The following SMC6 variants were observed in gnomAD, a reference collection of about 807,000 sequenced individuals.
The protein encoded by SMC6 is structural maintenance of chromosomes 6, also known as structural maintenance of chromosomes protein 6.
Under a neutral mutation model 142.2 loss-of-function variants are expected in SMC6, and 79 were observed. The ratio of observed to expected loss-of-function variants is 0.56; its 90% CI spans 0.46 to 0.67. The LOEUF is 0.67. Among genes scored for constraint, SMC6 ranks in the 30% least tolerant of loss-of-function variants. The pLI, the probability that SMC6 is intolerant of heterozygous loss-of-function variation, is 0.00. For synonymous variants in SMC6, 411 were observed against 412.4 expected (o/e 1.00, Z 0.04); for missense variants, 1,072 against 1,284.0 (o/e 0.83, Z 2.52).
intron 2 of SMC6, among the ~76,000 whole-genome samples, chr2:17,751,395 G>A (rs766311369): frequency 6.7e-6 from 1 of 150,356 alleles, no homozygotes; most frequent in Non-Finnish European, 1.5e-5. Flanking sequence ...CAGGAGAATC[G>A]CTTGAACCCG....
At chr2:17,748,301 T>C in intron 2 of SMC6, among the ~76,000 whole-genome samples, 1 of 152,314 alleles carries the variant, frequency 6.6e-6, no homozygotes, top group East Asian at 1.9e-4. Flanking sequence ...GTGATTCACA[T>C]GCACATTAGA....
At chr2:17,722,641 G>T (rs1246153626) in intron 9 of SMC6, among the ~76,000 whole-genome samples, 1 of 152,116 alleles carries the variant, frequency 6.6e-6, no homozygotes, top group East Asian at 1.9e-4. Flanking sequence ...CATCTATGAA[G>T]ATTATGTCAT....
rs1319197828 is a variant in SMC6 at position 17,716,871 on chromosome 2, T to C, written c.1216A>G (p.Arg406Gly). ...DQSLEPERLERQKKISWLKER... is the reference protein window; with the variant it reads ...DQSLEPERLEGQKKISWLKER... Reference sequence around the variant, plus strand: ...TTTAACCAAGATATTTTTTTTTGTCTTTCCAACCGTTCAGGTTCCAAAGAT... The same window carrying C: ...TTTAACCAAGATATTTTTTTTTGTCCTTCCAACCGTTCAGGTTCCAAAGAT... Residue 406 changes from arginine (R) to glycine (G), a missense_variant, in exon 14 of 28, where the codon AGA (arginine) becomes GGA (glycine). By Grantham distance (125) the Arg-to-Gly change is moderately radical. This residue lies in a region of SMC6 where 994 missense variants were observed against 1,153.2 expected (regional missense o/e 0.86). Transcript: ENST00000448223. 6.2e-7 allele frequency: 1 copy of C among 1,611,298 alleles called. No individual in the cohort carries two copies. The highest frequency in any genetic ancestry group is 8.5e-7 in the Non-Finnish European group (1 of 1,179,316).
chr2:17,726,496 A>C, intron 7 of SMC6, 27 bp from the exon 8 acceptor site: 4 of 1,577,040 alleles, frequency 2.5e-6, no homozygotes, highest in Non-Finnish European at 3.5e-6. Flanking sequence ...GTCATTTTTG[A>C]ATATTTTACT....
intron 15 of SMC6, among the ~76,000 whole-genome samples, chr2:17,715,782 T>C (rs1490207424): frequency 6.6e-6 from 1 of 152,136 alleles, no homozygotes; most frequent in Non-Finnish European, 1.5e-5. Flanking sequence ...TTCAACTATA[T>C]CTTGATGTTA....
intron 20 of SMC6, among the ~76,000 whole-genome samples, chr2:17,701,203 T>G (rs928391498): frequency 3.3e-5 from 5 of 151,978 alleles, no homozygotes; most frequent in Non-Finnish European, 5.9e-5. Context: ...CTTATTCCAT[T>G]TTGCGCACTG....
chr2:17,667,354 T>C (rs1666546561), intron 26 of SMC6, among the ~76,000 whole-genome samples: 2 of 152,230 alleles, frequency 1.3e-5, no homozygotes, highest in South Asian at 4.1e-4. Context: ...TTTAAATAAG[T>C]TAAATAGCAC....
Position 17,733,426 on chromosome 2 carries a change from A to C in SMC6, c.345-1549T>G, listed in dbSNP as rs1235614258. 2.0e-5 allele frequency among the ~76,000 whole-genome samples: 3 copies of C among 152,220 alleles called. No homozygotes were observed. In the East Asian group the frequency reaches 5.8e-4, roughly 29 times the overall value. On this transcript the variant is annotated intron_variant, in intron 5 of 27. Coordinates refer to ENST00000448223, the MANE Select transcript of SMC6 (RefSeq NM_001142286.2). ...AAATCAAACTAAGAAAATGTGGTTAAAAAAATTTCAGAATTCTGTAGTTTA... is the reference window on the plus strand; with the variant it reads ...AAATCAAACTAAGAAAATGTGGTTACAAAAATTTCAGAATTCTGTAGTTTA...
chr2:17,688,866 T>G (rs1667576542), intron 23 of SMC6, among the ~76,000 whole-genome samples: 1 of 152,150 alleles, frequency 6.6e-6, no homozygotes, highest in Non-Finnish European at 1.5e-5. Context: ...TAACATAGGC[T>G]CTTCCTTACA....
Position 17,703,226 on chromosome 2 carries a change from G to A in SMC6, c.2073C>T (p.Ala691=). Residue 691 remains alanine, a synonymous_variant, in exon 19 of 28, where the codon GCC becomes GCT. Coordinates refer to ENST00000448223, the MANE Select transcript of SMC6 (RefSeq NM_001142286.2). ...QILNLQQHLS[A]LEKDIKHNEE... ...CATTGTGTTTAATATCTTTTTCAAG[G>A]GCAGATAAATGTTGCTGAAGATTTA... The A allele has an allele frequency of 6.3e-7, 1 of 1,599,752 alleles. No individual in the cohort carries two copies. Among genetic ancestry groups the A allele is most frequent in the Non-Finnish European group, 8.5e-7 (1 of 1,169,968 alleles).
intron 5 of SMC6, among the ~76,000 whole-genome samples, chr2:17,733,472 A>T (rs1004338573): frequency 2.0e-5 from 3 of 152,256 alleles, no homozygotes; most frequent in African/African-American, 7.2e-5. Flanking sequence ...TACCAATGGT[A>T]ATTGTATAGC....
At position 17,753,635 on chromosome 2, in the gene SMC6, G is replaced by A. The variant is rs1317474552; in HGVS notation, c.-102C>T. The A allele has an allele frequency of 1.3e-5, 2 of 152,284 alleles. No individual in the cohort carries two copies. The highest frequency in any genetic ancestry group is 2.4e-5 in the African/African-American group (1 of 41,478). 9.4% of individuals were successfully genotyped at this position (152,284 alleles called of 1,614,324 possible). On this transcript the variant is annotated 5_prime_UTR_variant, in exon 1 of 28. Transcript: ENST00000448223. Reference sequence around the variant, plus strand: ...CGCGCCTTCACCCTACCGCCAACAAGTCGAAGTCTCCCAAAGGAACCTGAT... The same window carrying A: ...CGCGCCTTCACCCTACCGCCAACAAATCGAAGTCTCCCAAAGGAACCTGAT...
At chr2:17,671,167 C>A (rs1384107562) in intron 25 of SMC6, among the ~76,000 whole-genome samples, 1 of 151,946 alleles carries the variant, frequency 6.6e-6, no homozygotes, top group African/African-American at 2.4e-5. Flanking sequence ...AGCCACCACA[C>A]CTAACCCTGA....
At chr2:17,739,823 CACACACACACACACACACACAG>C (rs1383793091) in intron 4 of SMC6, among the ~76,000 whole-genome samples, 52 of 108,626 alleles carry the variant, frequency 4.8e-4, no homozygotes, top group Non-Finnish European at 7.2e-4. Flanking sequence ...TCTCTTTAAA[CACACACACACACACACACACAG>C]ACACACACAC....
rs770774262 is a variant in SMC6, at chr2:17,695,281, G to A, written c.2549C>T (p.Ala850Val). 48 of 1,611,690 alleles carry A rather than the reference G, an allele frequency of 3.0e-5. No homozygotes were observed. The highest frequency in any genetic ancestry group is 4.1e-5 in the Non-Finnish European group (48 of 1,179,464). Residue 850 changes from alanine (A) to valine (V), a missense_variant, in exon 23 of 28, where the codon GCA (alanine) becomes GTA (valine). Physicochemically the swap from Ala to Val is moderately conservative, Grantham distance 64. Around this residue, in one of 3 missense-constraint regions of SMC6, gnomAD observed 994 missense variants for 1,153.2 expected, o/e 0.86. Coordinates refer to ENST00000448223, the MANE Select transcript of SMC6 (RefSeq NM_001142286.2). ...TATACGCTCTGGGCAGATTTGTCTT[G>A]CTTGTGACATTTTCTCCTAAGAAAG... ...EKELEEKMSQ[A>V]RQICPERIEV...
chr2:17,741,764 T>C (rs760058618), intron 3 of SMC6, 35 bp from the exon 4 acceptor site: 13 of 1,365,914 alleles, frequency 9.5e-6, no homozygotes, highest in Non-Finnish European at 1.3e-5. Flanking sequence ...AAATGGTCAA[T>C]CTAATTCACT....
chr2:17,725,461 A>G, intron 8 of SMC6, 103 bp from the exon 9 acceptor site: 4 of 678,582 alleles, frequency 5.9e-6, no homozygotes, highest in South Asian at 2.2e-5. Flanking sequence ...TTTTAGATCA[A>G]TGATGTAAAA....
chr2:17,741,664 A>G lies in SMC6; in HGVS notation c.186T>C (p.Leu62=), dbSNP rs765124442. The G allele has an allele frequency of 6.2e-7, 1 of 1,612,566 alleles. No individual in the cohort carries two copies. Among genetic ancestry groups the G allele is most frequent in the Non-Finnish European group, 8.5e-7 (1 of 1,179,470 alleles). ...HLKNFMCHSM[L]GPFKFGSNVN... is the part of the protein sequence containing the mutation. ...CATTAGAACCAAACTTAAAAGGTCC[A>G]AGCATTGAATGACACATGAAGTTTT... The change falls in exon 4 of 28, where the codon CTT becomes CTC. Residue 62 remains leucine, a synonymous_variant. Coordinates refer to ENST00000448223, the MANE Select transcript of SMC6 (RefSeq NM_001142286.2).
chr2:17,718,665 T>C (rs1669226254), intron 11 of SMC6, among the ~76,000 whole-genome samples: 1 of 152,178 alleles, frequency 6.6e-6, no homozygotes, highest in South Asian at 2.1e-4. Context: ...TAAAAATTAA[T>C]CTAAGTGTAC....
Sources: gnomAD v4.1 joint callset for allele counts (sites outside exome capture counted in the v4.1 genomes callset) on GRCh38, gnomAD v4.1.1 for gene constraint, gnomAD v4.1.1 regional missense constraint, MANE v1.5 for transcripts, NCBI Gene and HGNC (gene_info 2026-07-23, HGNC 2026-07-21) for gene names.